The following PAFAH1B3 variants were observed in gnomAD, a reference collection of about 807,000 sequenced individuals.
The protein encoded by PAFAH1B3 is platelet activating factor acetylhydrolase 1b catalytic subunit 3, also known as platelet-activating factor acetylhydrolase IB subunit alpha1.
Under a neutral mutation model 24.4 loss-of-function variants are expected in PAFAH1B3, and 15 were observed. The ratio of observed to expected loss-of-function variants is 0.62; its 90% CI spans 0.41 to 0.95. PAFAH1B3 has a LOEUF of 0.95. Among genes scored for constraint, PAFAH1B3 ranks in the 40% least tolerant of loss-of-function variants. The pLI is 0.00. For synonymous variants in PAFAH1B3, 144 were observed against 126.5 expected (o/e 1.14, Z -0.93); for missense variants, 266 against 312.2 (o/e 0.85, Z 1.12).
At chr19:42,301,864 A>G in intron 2 of PAFAH1B3, 86 bp downstream of exon 2, 2 of 1,124,656 alleles carry the variant, frequency 1.8e-6, no homozygotes, top group Non-Finnish European at 1.3e-6. Flanking sequence ...TACTCTCATA[A>G]TACCTCACCT....
Position 42,302,453 on chromosome 19 carries a change from C to T in PAFAH1B3, c.-144G>A, listed in dbSNP as rs1157116352. The T allele has an allele frequency of 4.3e-6, 3 of 692,498 alleles. No individual in the cohort carries two copies. The highest frequency in any genetic ancestry group is 1.8e-5 in the African/African-American group (1 of 55,610). 42.9% of individuals were successfully genotyped at this position (692,498 alleles called of 1,614,324 possible). A position where few individuals can be genotyped will look rare whatever the true frequency, so the allele number is the denominator to read the frequency against. On this transcript the variant is annotated 5_prime_UTR_variant, in exon 1 of 5. Coordinates refer to ENST00000262890, the MANE Select transcript of PAFAH1B3 (RefSeq NM_002573.4). ...CTAGCACACCCGCGGAGGACGAAGG[C>T]CGATACAGGGCGCCGCCTCCTCTCC... is the stretch of plus-strand genomic sequence containing the variant.
At chr19:42,302,200 G>C in intron 1 of PAFAH1B3, 32 bp downstream of exon 1, 1 of 1,559,906 alleles carries the variant, frequency 6.4e-7, no homozygotes, top group Non-Finnish European at 8.7e-7. Flanking sequence ...CGCGCCCCCG[G>C]ACTCCTCAAT....
intron 4 of PAFAH1B3, among the ~76,000 whole-genome samples, 199 bp from the exon 5 acceptor site, chr19:42,297,564 T>TAAAA (rs2038551144): frequency 6.6e-6 from 1 of 150,498 alleles, no homozygotes; most frequent in Non-Finnish European, 1.5e-5. Flanking sequence ...GGTTTTACCC[T>TAAAA]CTTTCGTTTT....
In PAFAH1B3 at chr19:42,300,288, C is replaced by CTGTGGGCAAGAAGTGG. The variant is rs746587306; in HGVS notation, c.169-17_169-2dup. ...GAGGAGAGAAGAGCTCGCGCCAGAT[C>CTGTGGGCAAGAAGTGG]TGTGGGCAAGAAGTGGTGTGGGCAA... On this transcript the variant is annotated splice_acceptor_variant, in intron 2 of 4. Coordinates refer to ENST00000262890, the MANE Select transcript of PAFAH1B3 (RefSeq NM_002573.4). LOFTEE classifies it high-confidence loss of function. 1.2e-5 allele frequency: 19 copies of CTGTGGGCAAGAAGTGG among 1,614,026 alleles called. No individual in the cohort carries two copies. Among genetic ancestry groups the CTGTGGGCAAGAAGTGG allele is most frequent in the Admixed American group, 1.7e-5 (1 of 60,028 alleles).
chr19:42,297,964 C>T (rs941803331), intron 4 of PAFAH1B3, among the ~76,000 whole-genome samples: 1 of 150,146 alleles, frequency 6.7e-6, no homozygotes, highest in African/African-American at 2.5e-5. Flanking sequence ...GGAGGCAGAG[C>T]TGGATAGGTC....
intron 2 of PAFAH1B3, among the ~76,000 whole-genome samples, chr19:42,301,366 C>T (rs1245217292): frequency 6.6e-6 from 1 of 152,164 alleles, no homozygotes; most frequent in Non-Finnish European, 1.5e-5. Context: ...CACTGCACGC[C>T]AGCCTGGGTG....
chr19:42,302,594 C>A lies in PAFAH1B3; in HGVS notation c.-285G>T, dbSNP rs2038655333. 1.0e-5 allele frequency: 4 copies of A among 401,312 alleles called. No individual in the cohort carries two copies. The highest frequency in any genetic ancestry group is 9.1e-6 in the Non-Finnish European group (2 of 220,642). 24.9% of individuals were successfully genotyped at this position (401,312 alleles called of 1,614,324 possible). A position where few individuals can be genotyped will look rare whatever the true frequency, so the allele number is the denominator to read the frequency against. On this transcript the variant is annotated 5_prime_UTR_variant, in exon 1 of 5. Transcript: ENST00000262890. Reference sequence around the variant, plus strand: ...CCGCTCGGGCCGCTGACTCCCAGGCCGCGCACCCGGCACGGGGTGGGGGGA... The same window carrying A: ...CCGCTCGGGCCGCTGACTCCCAGGCAGCGCACCCGGCACGGGGTGGGGGGA...
At chr19:42,299,431 T>G (rs1187094338) in intron 4 of PAFAH1B3, among the ~76,000 whole-genome samples, 1 of 147,782 alleles carries the variant, frequency 6.8e-6, no homozygotes, top group East Asian at 2.0e-4. Flanking sequence ...CCCAACTAAT[T>G]TTTTTTTTTT....
At chr19:42,301,843 G>GCCAA in intron 2 of PAFAH1B3, 107 bp downstream of exon 2, 1 of 846,506 alleles carries the variant, frequency 1.2e-6, no homozygotes, top group Admixed American at 2.2e-5. Flanking sequence ...GCTGCCTGAG[G>GCCAA]CCAATCTGGG....
chr19:42,301,831 G>A (rs1425118491), intron 2 of PAFAH1B3, 119 bp downstream of exon 2: 1 of 704,612 alleles, frequency 1.4e-6, no homozygotes, highest in Non-Finnish European at 2.5e-6. Flanking sequence ...TCAGAGCCTC[G>A]GGCTGCCTGA....
chr19:42,297,092 C>A lies in PAFAH1B3; in HGVS notation c.682G>T (p.Glu228Ter), dbSNP rs375948081. 7 of 1,601,798 alleles carry A rather than the reference C, an allele frequency of 4.4e-6. No individual in the cohort carries two copies. In the African/African-American group the frequency reaches 9.4e-5, roughly 21 times the overall value. ...QDQGQGAPLL[E>*]PAP is the part of the protein sequence containing the mutation. ...CAGCAGGATGCTTAGGGTGCGGGCTCCAGCAGGGGAGCACCTTGGCCCTGG... is the reference window on the plus strand; with the variant it reads ...CAGCAGGATGCTTAGGGTGCGGGCTACAGCAGGGGAGCACCTTGGCCCTGG... The change falls in exon 5 of 5, where the codon GAG becomes TAG. Residue 228 changes from glutamate (E) to a stop codon, truncating the protein, a stop_gained. Transcript: ENST00000262890. LOFTEE classifies it high-confidence loss of function.
chr19:42,300,099 A>G lies in PAFAH1B3; in HGVS notation c.286-7T>C, dbSNP rs1227402465. 2 of 1,613,982 alleles carry G rather than the reference A, an allele frequency of 1.2e-6. No individual in the cohort carries two copies. The highest frequency in any genetic ancestry group is 1.7e-5 in the Admixed American group (1 of 60,008). On this transcript the variant is annotated splice_region_variant and splice_polypyrimidine_tract_variant and intron_variant, in intron 3 of 4. Transcript: ENST00000262890. ...CCACCCAGACCACCACAATCTGTGG[A>G]AAAAGAGACATGAAGCAGCGGTGAG...
intron 1 of PAFAH1B3, 29 bp from the exon 2 acceptor site, chr19:42,302,068 G>A (rs370194377): frequency 4.5e-6 from 7 of 1,549,316 alleles, no homozygotes; most frequent in Non-Finnish European, 6.1e-6. Context: ...GGGAGTCAAT[G>A]GCATGCACGC....
rs557243754 is a variant in PAFAH1B3 at position 42,297,295 on chromosome 19, C to T, written c.479G>A (p.Arg160Gln). The change falls in exon 5 of 5, where the codon CGG becomes CAG. Residue 160 changes from arginine to glutamine, a missense_variant. Coordinates refer to ENST00000262890, the MANE Select transcript of PAFAH1B3 (RefSeq NM_002573.4). ...EKNRQVNELV[R>Q]AALAGHPRAH... ...CCGAGGGTGGCCAGCCAGTGCCGCC[C>T]GTACCAGCTCGTTCACCTGTCGGTT... 31 of 1,613,924 alleles carry T rather than the reference C, an allele frequency of 1.9e-5. No individual in the cohort carries two copies. The highest frequency in any genetic ancestry group is 5.3e-5 in the African/African-American group (4 of 75,030).
intron 4 of PAFAH1B3, among the ~76,000 whole-genome samples, chr19:42,299,136 G>C (rs1244642928): frequency 7.5e-6 from 1 of 133,238 alleles, no homozygotes; most frequent in African/African-American, 2.9e-5. Flanking sequence ...TTTTTTTTGA[G>C]ACAGAGTTTC....
chr19:42,297,459 C>T, intron 4 of PAFAH1B3, 94 bp from the exon 5 acceptor site: 1 of 903,958 alleles, frequency 1.1e-6, no homozygotes, highest in Non-Finnish European at 1.6e-6. Flanking sequence ...ATGAAGTTTC[C>T]AGCTGCAGAA....
Position 42,300,244 on chromosome 19 carries a change from C to G in PAFAH1B3, c.212G>C (p.Gly71Ala), listed in dbSNP as rs769722008. The G allele has an allele frequency of 6.2e-7, 1 of 1,614,230 alleles. No individual in the cohort carries two copies. Among genetic ancestry groups the G allele is most frequent in the South Asian group, 1.1e-5 (1 of 91,088 alleles). Residue 71 changes from glycine to alanine, a missense_variant, in exon 3 of 5, where the codon GGC (glycine) becomes GCC (alanine). Gly to Ala is a moderately conservative substitution (Grantham distance 60). Coordinates refer to ENST00000262890, the MANE Select transcript of PAFAH1B3 (RefSeq NM_002573.4). ...ATGCTGTGTGCCGTCACCACCAATG[C>G]CAAAGTTAAGTGCATGCAGAGGAGA... ...LFSPLHALNF[G>A]IGGDGTQHVL...
Position 42,302,553 on chromosome 19 carries a change from GCTCGCCCGGCGCTT to G in PAFAH1B3, c.-258_-245del. The G allele has an allele frequency of 2.2e-6, 1 of 464,104 alleles. No homozygotes were observed. 28.7% of individuals were successfully genotyped at this position (464,104 alleles called of 1,614,324 possible). On this transcript the variant is annotated 5_prime_UTR_variant, in exon 1 of 5. Coordinates refer to ENST00000262890, the MANE Select transcript of PAFAH1B3 (RefSeq NM_002573.4). Reference sequence around the variant, plus strand: ...TTCCCCCACGACGGCCGCACAGTGGGCTCGCCCGGCGCTTCCCGCTCGGGCCGCTGACTCCCAGG... The same window carrying G: ...TTCCCCCACGACGGCCGCACAGTGGGCCCGCTCGGGCCGCTGACTCCCAGG...
At chr19:42,302,203 T>G in intron 1 of PAFAH1B3, 29 bp downstream of exon 1, 1 of 1,564,742 alleles carries the variant, frequency 6.4e-7, no homozygotes, top group South Asian at 1.2e-5. Context: ...GCCCCCGGAC[T>G]CCTCAATATC....
Sources: allele counts gnomAD v4.1 joint callset (sites outside exome capture counted in the v4.1 genomes callset), GRCh38; gene constraint gnomAD v4.1.1; transcripts MANE v1.5; gene names NCBI Gene and HGNC (gene_info 2026-07-23, HGNC 2026-07-21).